Variants in RAB27B observed in about 807,000 individuals in gnomAD.
The protein encoded by RAB27B is ras-related protein Rab-27B.
In RAB27B, 15 loss-of-function variants were observed where a neutral mutation model predicts 24.6. The ratio of observed to expected loss-of-function variants is 0.61; its 90% CI spans 0.41 to 0.94. The LOEUF (loss-of-function observed/expected upper bound fraction) is 0.94. Among genes scored for constraint, RAB27B ranks in the 40% least tolerant of loss-of-function variants. The pLI, the probability that RAB27B is intolerant of heterozygous loss-of-function variation, is 0.00. For missense variants in RAB27B, 261 were observed against 266.8 expected (o/e 0.98, Z 0.15); for synonymous variants, 105 against 92.5 (o/e 1.14, Z -0.78).
Position 54,851,746 on chromosome 18 carries a change from C to A in RAB27B, c.-20+23046C>A, listed in dbSNP as rs968841353. On this transcript the variant is annotated intron_variant, in intron 1 of 5. Coordinates refer to ENST00000262094, the MANE Select transcript of RAB27B (RefSeq NM_004163.4). ...TTAAAACTCCCAGGCCCAAGCTACA[C>A]ACTCCAAACCAATTTCATCAGAATC... is the stretch of plus-strand genomic sequence containing the variant. Among the ~76,000 whole-genome samples the A allele has an allele frequency of 7.9e-5, 12 of 152,198 alleles. No homozygotes were observed. In the East Asian group the frequency reaches 2.3e-3, roughly 29 times the overall value.
rs752994920 is a variant in RAB27B at position 54,879,442 on chromosome 18, C to T, written c.227C>T (p.Ala76Val). 9.9e-6 allele frequency: 16 copies of T among 1,610,990 alleles called. No individual in the cohort carries two copies. The highest frequency in any genetic ancestry group is 6.7e-5 in the Admixed American group (4 of 59,990). The change falls in exon 3 of 6, where the codon GCG becomes GTG. Residue 76 changes from alanine (A) to valine (V), a missense_variant. Physicochemically the swap from Ala to Val is moderately conservative, Grantham distance 64. Transcript: ENST00000262094. Reference protein sequence around the residue: ...FKVHLQLWDTAGQERFRSLTT... With the variant: ...FKVHLQLWDTVGQERFRSLTT... ...GTGCATCTTCAGCTTTGGGACACTG[C>T]GGGACAAGAGCGGTAATAGTAAATT...
intron 5 of RAB27B, among the ~76,000 whole-genome samples, chr18:54,888,507 A>G (rs900152024): frequency 6.6e-6 from 1 of 152,122 alleles, no homozygotes; most frequent in Non-Finnish European, 1.5e-5. Context: ...ATGCTCTTAA[A>G]CACTGTATTC....
chr18:54,858,196 C>T (rs1911860934), intron 1 of RAB27B, among the ~76,000 whole-genome samples: 1 of 152,142 alleles, frequency 6.6e-6, no homozygotes, highest in Admixed American at 6.5e-5. Flanking sequence ...TAGTCACATA[C>T]AATGATATAT....
In RAB27B at chr18:54,842,197, T is replaced by C. The variant is rs530953612; in HGVS notation, c.-20+13497T>C. Among the ~76,000 whole-genome samples, 59 of 152,360 alleles carry C rather than the reference T, an allele frequency of 3.9e-4. 1 individual carries two copies. Among genetic ancestry groups the C allele is most frequent in the South Asian group, 2.1e-4 (1 of 4,826 alleles). ...ATGATAATTTCAAGTCAGAGAAATTTAGAAAACGAATGTGGAATTGGTTTT... is the reference window on the plus strand; with the variant it reads ...ATGATAATTTCAAGTCAGAGAAATTCAGAAAACGAATGTGGAATTGGTTTT... On this transcript the variant is annotated intron_variant, in intron 1 of 5. Coordinates refer to ENST00000262094, the MANE Select transcript of RAB27B (RefSeq NM_004163.4).
upstream of RAB27B, among the ~76,000 whole-genome samples, chr18:54,826,253 T>C (rs1910467805): frequency 6.6e-6 from 1 of 152,224 alleles, no homozygotes. Context: ...TAAGTTATGC[T>C]ACATAAACTC....
intron 2 of RAB27B, among the ~76,000 whole-genome samples, chr18:54,787,447 A>T (rs959489645): frequency 6.6e-6 from 1 of 152,226 alleles, no homozygotes; most frequent in Non-Finnish European, 1.5e-5. Context: ...AGACATCTTT[A>T]CTGCCCCATG....
chr18:54,852,583 T>C (rs1335505573), intron 1 of RAB27B, among the ~76,000 whole-genome samples: 1 of 152,228 alleles, frequency 6.6e-6, no homozygotes, highest in Non-Finnish European at 1.5e-5. Context: ...CTCAAGTTTC[T>C]TTGATCTGTA....
At chr18:54,791,212 A>T (rs1909236020) in intron 2 of RAB27B, among the ~76,000 whole-genome samples, 1 of 152,122 alleles carries the variant, frequency 6.6e-6, no homozygotes, top group African/African-American at 2.4e-5. Flanking sequence ...AAAAGAAAAA[A>T]GAAAGAAGAA....
At chr18:54,888,431 G>A (rs77111784) in intron 5 of RAB27B, among the ~76,000 whole-genome samples, 4,010 of 151,966 alleles carry the variant, frequency 0.026, 93 homozygotes, top group Non-Finnish European at 0.038. Flanking sequence ...CTGATGGAAG[G>A]CCACCCCACA....
At chr18:54,807,438 C>T (rs1420748396) in intron 2 of RAB27B, among the ~76,000 whole-genome samples, 1 of 152,086 alleles carries the variant, frequency 6.6e-6, no homozygotes, top group Non-Finnish European at 1.5e-5. Context: ...AAGTCCTTAC[C>T]TTCTTGTTTT....
chr18:54,767,831 G>T (rs1413767965), intron 2 of RAB27B, among the ~76,000 whole-genome samples: 3 of 152,150 alleles, frequency 2.0e-5, no homozygotes, highest in Non-Finnish European at 2.9e-5. Flanking sequence ...ACTCAATGAA[G>T]TCAGCCTATC....
At chr18:54,884,278 T>C in intron 3 of RAB27B, 55 bp from the exon 4 acceptor site, 4 of 1,051,494 alleles carry the variant, frequency 3.8e-6, no homozygotes, top group Non-Finnish European at 5.9e-6. Flanking sequence ...ATTTGTGTTG[T>C]TGTCAAAGAT....
At chr18:54,877,228 C>A (rs1452996727) in intron 1 of RAB27B, among the ~76,000 whole-genome samples, 1 of 152,162 alleles carries the variant, frequency 6.6e-6, no homozygotes, top group Admixed American at 6.5e-5. Flanking sequence ...GAGGCCTCCC[C>A]AGCCATGTGG....
chr18:54,874,434 A>G (rs1241368050), intron 1 of RAB27B, among the ~76,000 whole-genome samples: 1 of 152,190 alleles, frequency 6.6e-6, no homozygotes, highest in Non-Finnish European at 1.5e-5. Context: ...GTCAGAAGCT[A>G]GACTAGAACT....
At position 54,877,576 on chromosome 18, in the gene RAB27B, G is replaced by T. The variant is rs753386459; in HGVS notation, c.-10G>T. 6 of 1,529,630 alleles carry T rather than the reference G, an allele frequency of 3.9e-6. No homozygotes were observed. The highest frequency in any genetic ancestry group is 2.5e-5 in the Admixed American group (1 of 40,682). The allele number at this position is 1,529,630 out of a possible 1,614,324, so 94.8% of individuals were successfully genotyped here. A position where few individuals can be genotyped will look rare whatever the true frequency, so the allele number is the denominator to read the frequency against. On this transcript the variant is annotated 5_prime_UTR_variant, in exon 2 of 6. Coordinates refer to ENST00000262094, the MANE Select transcript of RAB27B (RefSeq NM_004163.4). ...TCCCTCTCCTATACAGACCGACCAAGACCATCACTATGACCGATGGAGACT... is the reference window on the plus strand; with the variant it reads ...TCCCTCTCCTATACAGACCGACCAATACCATCACTATGACCGATGGAGACT...
At chr18:54,818,712 A>G (rs1466518527) in intron 2 of RAB27B, among the ~76,000 whole-genome samples, 7 of 152,142 alleles carry the variant, frequency 4.6e-5, no homozygotes, top group Non-Finnish European at 1.0e-4. Context: ...AAAGCCCCAC[A>G]ATCAGGAGAG....
intron 4 of RAB27B, chr18:54,885,992 G>C (rs1479725237): frequency 6.6e-6 from 1 of 152,216 alleles, no homozygotes; most frequent in Non-Finnish European, 1.5e-5. Flanking sequence ...ACAGTACCAG[G>C]GGATGGTGCT....
At chr18:54,815,740 A>G (rs1437651466) in intron 2 of RAB27B, among the ~76,000 whole-genome samples, 2 of 152,184 alleles carry the variant, frequency 1.3e-5, no homozygotes, top group Non-Finnish European at 2.9e-5. Flanking sequence ...GGTATTTACT[A>G]TACAAAAATT....
chr18:54,870,378 T>C (rs1280051692), intron 1 of RAB27B, among the ~76,000 whole-genome samples: 1 of 152,106 alleles, frequency 6.6e-6, no homozygotes. Flanking sequence ...AAATTTAATA[T>C]CTACTCATGT....
Sources: gnomAD v4.1 joint callset for allele counts (sites outside exome capture counted in the v4.1 genomes callset) on GRCh38, gnomAD v4.1.1 for gene constraint, MANE v1.5 for transcripts, NCBI Gene and HGNC (gene_info 2026-07-23, HGNC 2026-07-21) for gene names.